Variants in CCDC91 observed in about 807,000 individuals in gnomAD.
CCDC91 encodes the protein coiled-coil domain containing 91.
Under a neutral mutation model 63.2 loss-of-function variants are expected in CCDC91, and 48 were observed. The ratio of observed to expected loss-of-function variants is 0.76; its 90% CI spans 0.60 to 0.97. The LOEUF (loss-of-function observed/expected upper bound fraction) is 0.97. CCDC91 is among the 50% of genes least tolerant of loss of function. CCDC91 has a pLI of 0.00. For synonymous variants in CCDC91, 167 were observed against 165.8 expected (o/e 1.01, Z -0.06); for missense variants, 500 against 494.6 (o/e 1.01, Z -0.10).
intron 6 of CCDC91, among the ~76,000 whole-genome samples, chr12:28,333,089 C>T (rs977738256): frequency 2.0e-5 from 3 of 152,004 alleles, no homozygotes; most frequent in African/African-American, 7.2e-5. Context: ...GTATGTTGGG[C>T]AACTGAAAAT....
At chr12:28,307,518 A>G (rs1938869041) in intron 5 of CCDC91, 127 bp from the exon 6 acceptor site, 1 of 559,924 alleles carries the variant, frequency 1.8e-6, no homozygotes, top group Non-Finnish European at 3.2e-6. Flanking sequence ...TAATATTGTT[A>G]GATTTTAAGC....
chr12:28,433,193 C>T (rs1047112120), intron 8 of CCDC91, among the ~76,000 whole-genome samples: 37 of 151,958 alleles, frequency 2.4e-4, no homozygotes, highest in Admixed American at 1.6e-3. Context: ...CACTATCTTT[C>T]ATGGTGCAGA....
intron 8 of CCDC91, among the ~76,000 whole-genome samples, chr12:28,402,602 A>AG (rs1555204347): frequency 7.1e-6 from 1 of 140,986 alleles, no homozygotes; most frequent in Admixed American, 7.5e-5. Flanking sequence ...AAAAAAAAAA[A>AG]TTATTTCTTT....
intron 1 of CCDC91, among the ~76,000 whole-genome samples, chr12:28,199,806 T>A (rs1318551612): frequency 6.6e-6 from 1 of 152,246 alleles, no homozygotes; most frequent in Non-Finnish European, 1.5e-5. Flanking sequence ...AGAAATCAGA[T>A]AGGAAATCTT....
At chr12:28,349,624 T>G (rs900028727) in intron 6 of CCDC91, among the ~76,000 whole-genome samples, 2 of 152,178 alleles carry the variant, frequency 1.3e-5, no homozygotes, top group Non-Finnish European at 2.9e-5. Flanking sequence ...CTTGCTTGGT[T>G]TGATAACCTT....
intron 7 of CCDC91, among the ~76,000 whole-genome samples, chr12:28,383,659 A>G (rs1271231661): frequency 2.0e-5 from 3 of 152,096 alleles, no homozygotes; most frequent in African/African-American, 7.2e-5. Flanking sequence ...TGAGTAAATG[A>G]AATTTTTAAA....
At chr12:28,227,033 G>A (rs1393721903) in intron 1 of CCDC91, among the ~76,000 whole-genome samples, 3 of 152,108 alleles carry the variant, frequency 2.0e-5, no homozygotes, top group Non-Finnish European at 4.4e-5. Flanking sequence ...GTTTTTAGGA[G>A]GAAGAGCATA....
chr12:28,296,423 A>G (rs1297320559), intron 3 of CCDC91, among the ~76,000 whole-genome samples: 3 of 151,948 alleles, frequency 2.0e-5, no homozygotes, highest in African/African-American at 7.2e-5. Context: ...TAGTATGCCA[A>G]TAACTCTAGA....
intron 3 of CCDC91, among the ~76,000 whole-genome samples, chr12:28,270,212 T>A (rs977529756): frequency 1.3e-5 from 2 of 152,060 alleles, no homozygotes; most frequent in Non-Finnish European, 2.9e-5. Flanking sequence ...TCCCAAGTAA[T>A]TTTAGAATAA....
chr12:28,381,212 A>T (rs1945279020), intron 7 of CCDC91, among the ~76,000 whole-genome samples: 1 of 152,138 alleles, frequency 6.6e-6, no homozygotes, highest in Admixed American at 6.6e-5. Flanking sequence ...AGAGAATAGC[A>T]TTTTAATATG....
intron 12 of CCDC91, among the ~76,000 whole-genome samples, chr12:28,496,938 A>C (rs965961850): frequency 7.0e-6 from 1 of 142,992 alleles, no homozygotes; most frequent in Non-Finnish European, 1.5e-5. Context: ...ATACATATAT[A>C]TATACATATA....
At chr12:28,351,919 GACAA>G (rs1029367164) in intron 6 of CCDC91, among the ~76,000 whole-genome samples, 1 of 152,070 alleles carries the variant, frequency 6.6e-6, no homozygotes, top group Non-Finnish European at 1.5e-5. Context: ...CATGCTATTA[GACAA>G]ACAAGTTCTC....
intron 1 of CCDC91, among the ~76,000 whole-genome samples, chr12:28,214,942 A>G (rs183734462): frequency 6.4e-4 from 97 of 152,296 alleles, no homozygotes; most frequent in Non-Finnish European, 7.9e-4. Flanking sequence ...GTACTCACAG[A>G]TTTGATTAAA....
At chr12:28,285,475 G>T (rs1453421223) in intron 3 of CCDC91, among the ~76,000 whole-genome samples, 2 of 151,802 alleles carry the variant, frequency 1.3e-5, no homozygotes, top group Admixed American at 6.6e-5. Context: ...CTCCCTACAT[G>T]CAGAACAAAT....
chr12:28,458,597 A>G (rs1469712373), intron 11 of CCDC91, among the ~76,000 whole-genome samples: 1 of 150,372 alleles, frequency 6.7e-6, no homozygotes, highest in African/African-American at 2.4e-5. Context: ...AGCCTCCTGA[A>G]TAGCTGCAAC....
At chr12:28,477,874 G>T (rs1442765712) in intron 11 of CCDC91, among the ~76,000 whole-genome samples, 1 of 152,080 alleles carries the variant, frequency 6.6e-6, no homozygotes, top group African/African-American at 2.4e-5. Flanking sequence ...TTGCTTCAAA[G>T]AGAATAAAAT....
chr12:28,353,249 TA>T (rs986811954), intron 6 of CCDC91, among the ~76,000 whole-genome samples: 11 of 152,210 alleles, frequency 7.2e-5, no homozygotes, highest in Non-Finnish European at 1.3e-4. Context: ...GGCTTTGGCT[TA>T]GGGGGAAATG....
chr12:28,501,874 C>T (rs1231532980), intron 12 of CCDC91, among the ~76,000 whole-genome samples: 2 of 151,292 alleles, frequency 1.3e-5, no homozygotes, highest in African/African-American at 4.8e-5. Context: ...ATTATTGCCA[C>T]AATTTCAGAG....
chr12:28,447,161 C>A (rs562529413), intron 8 of CCDC91, among the ~76,000 whole-genome samples: 1 of 151,958 alleles, frequency 6.6e-6, no homozygotes, highest in African/African-American at 2.4e-5. Context: ...CACAAAGATG[C>A]ATGCATAAAA....
Sources: allele counts gnomAD v4.1 joint callset (sites outside exome capture counted in the v4.1 genomes callset), GRCh38; gene constraint gnomAD v4.1.1; transcripts MANE v1.5; gene names NCBI Gene and HGNC (gene_info 2026-07-23, HGNC 2026-07-21).